Variants in EYS observed in about 807,000 individuals in gnomAD.
EYS encodes the protein EGF-like photoreceptor maintenance factor.
EYS carries 250 observed loss-of-function variants against 282.1 expected under a neutral mutation model. That is an observed-to-expected ratio of 0.89 (90% confidence interval 0.80 to 0.98). EYS has a LOEUF of 0.98. EYS is among the 50% of genes least tolerant of loss of function. The pLI is 0.00. For missense variants in EYS, 4,016 were observed against 3,709.0 expected, an observed-to-expected ratio of 1.08 and a Z score of -2.15; for synonymous variants, 1,355 against 1,282.9, an observed-to-expected ratio of 1.06 and a Z score of -1.20.
chr6:65,629,551 A>T (rs918227580), intron 2 of EYS, among the ~76,000 whole-genome samples: 8 of 152,186 alleles, frequency 5.3e-5, no homozygotes, highest in Non-Finnish European at 8.8e-5. Context: ...TGAGAACTAA[A>T]TCAGCATGAG....
At chr6:64,087,190 G>A (rs150882462) in intron 31 of EYS, among the ~76,000 whole-genome samples, 4 of 152,168 alleles carry the variant, frequency 2.6e-5, no homozygotes, top group Admixed American at 1.3e-4. Flanking sequence ...CAGTTTCTTC[G>A]TGTTATTTTT....
intron 22 of EYS, among the ~76,000 whole-genome samples, chr6:64,664,916 G>T (rs982295370): frequency 6.6e-6 from 1 of 152,158 alleles, no homozygotes; most frequent in African/African-American, 2.4e-5. Flanking sequence ...ACCAAGACAA[G>T]TACCACAACA....
intron 31 of EYS, among the ~76,000 whole-genome samples, chr6:64,192,486 T>C (rs942634111): frequency 6.6e-6 from 1 of 152,088 alleles, no homozygotes; most frequent in African/African-American, 2.4e-5. Flanking sequence ...AACAGAGATA[T>C]AGATCAATGG....
chr6:65,654,662 A>G (rs1283341276), intron 1 of EYS, among the ~76,000 whole-genome samples: 1 of 151,800 alleles, frequency 6.6e-6, no homozygotes, highest in African/African-American at 2.4e-5. Context: ...GAGTCCATTA[A>G]AAAGGTCACT....
chr6:64,590,277 G>A lies in EYS; in HGVS notation c.5590C>T (p.Leu1864Phe). Residue 1864 changes from leucine to phenylalanine, a missense_variant, in exon 26 of 43, where the codon CTT (leucine) becomes TTT (phenylalanine). Physicochemically the swap from Leu to Phe is conservative, Grantham distance 22. Coordinates refer to ENST00000503581, the MANE Select transcript of EYS (RefSeq NM_001142800.2). ...ATGGATTCCAGTGAAGACAAAGTAA[G>A]AGATCTAGTGAAGGGAAGATGCCGG... ...ASRHLPFTRS[L>F]TLSSLESILA... is the part of the protein sequence containing the mutation. 6.4e-7 allele frequency: 1 copy of A among 1,551,006 alleles called. No individual in the cohort carries two copies. Among genetic ancestry groups the A allele is most frequent in the Non-Finnish European group, 8.7e-7 (1 of 1,146,542 alleles).
intron 30 of EYS, among the ~76,000 whole-genome samples, chr6:64,235,709 G>A (rs973196711): frequency 1.3e-5 from 2 of 152,132 alleles, no homozygotes; most frequent in African/African-American, 2.4e-5. Context: ...CCCACCAACA[G>A]TGTAAAAGTG....
chr6:64,521,776 G>T (rs1220114099), intron 26 of EYS, among the ~76,000 whole-genome samples: 1 of 151,660 alleles, frequency 6.6e-6, no homozygotes, highest in Admixed American at 6.6e-5. Context: ...CTATTTTACT[G>T]CTATTATGTT....
At chr6:64,090,928 T>A (rs974329605) in intron 31 of EYS, among the ~76,000 whole-genome samples, 3 of 152,164 alleles carry the variant, frequency 2.0e-5, no homozygotes, top group African/African-American at 7.2e-5. Flanking sequence ...AAATGGATGT[T>A]ATTTAAACAC....
chr6:64,330,889 G>A (rs1051247799), intron 29 of EYS, among the ~76,000 whole-genome samples: 19 of 152,168 alleles, frequency 1.2e-4, no homozygotes, highest in Admixed American at 1.0e-3. Flanking sequence ...GTGGAGCATG[G>A]AAAGCCCCCA....
intron 26 of EYS, among the ~76,000 whole-genome samples, chr6:64,522,785 G>T (rs149613054): frequency 2.1e-4 from 32 of 151,838 alleles, no homozygotes; most frequent in African/African-American, 7.2e-4. Context: ...AGCACAATTT[G>T]TAAATAAAAC....
At chr6:65,565,833 C>A (rs1769260867) in intron 2 of EYS, among the ~76,000 whole-genome samples, 1 of 151,998 alleles carries the variant, frequency 6.6e-6, no homozygotes, top group Non-Finnish European at 1.5e-5. Flanking sequence ...TCATTCTCAG[C>A]AAACTAACAC....
intron 34 of EYS, among the ~76,000 whole-genome samples, chr6:63,998,435 A>T (rs1253546534): frequency 6.6e-6 from 1 of 152,180 alleles, no homozygotes; most frequent in Non-Finnish European, 1.5e-5. Flanking sequence ...GGCTGCTTTA[A>T]TGTCTACTAA....
Position 64,591,645 on chromosome 6 carries a change from A to C in EYS, c.4222T>G (p.Ser1408Ala). 6.4e-7 allele frequency: 1 copy of C among 1,551,264 alleles called. No individual in the cohort carries two copies. The highest frequency in any genetic ancestry group is 8.7e-7 in the Non-Finnish European group (1 of 1,146,750). Residue 1408 changes from serine (S) to alanine (A), a missense_variant, in exon 26 of 43, where the codon TCT (serine) becomes GCT (alanine). Transcript: ENST00000503581. Reference protein sequence around the residue: ...LMSDFIFPTQSLLFENCQTVA... With the variant: ...LMSDFIFPTQALLFENCQTVA... ...GTCTGACAGTTCTCAAATAATAAAG[A>C]TTGTGTAGGAAAAATAAAATCTGAC... is the stretch of plus-strand genomic sequence containing the variant.
chr6:64,672,116 G>T (rs1476840386), intron 22 of EYS, among the ~76,000 whole-genome samples: 4 of 152,102 alleles, frequency 2.6e-5, no homozygotes, highest in Admixed American at 2.0e-4. Flanking sequence ...GTCTTCCAGA[G>T]GCTTTTCAAA....
chr6:65,444,758 T>C (rs1329234598), intron 5 of EYS, among the ~76,000 whole-genome samples: 1 of 152,080 alleles, frequency 6.6e-6, no homozygotes, highest in Admixed American at 6.6e-5. Flanking sequence ...TTTTCTTCTA[T>C]AGAGCCTAAC....
chr6:64,999,493 G>A (rs1206003176), intron 13 of EYS, among the ~76,000 whole-genome samples: 2 of 152,102 alleles, frequency 1.3e-5, no homozygotes, highest in Admixed American at 6.5e-5. Flanking sequence ...AGGAGGGCGT[G>A]GTCCCTGGCT....
chr6:65,333,554 G>A (rs1475542651), intron 11 of EYS, among the ~76,000 whole-genome samples: 2 of 151,640 alleles, frequency 1.3e-5, no homozygotes, highest in East Asian at 3.9e-4. Context: ...ATTTCTAGAT[G>A]ATTTATAGTG....
At chr6:65,366,423 T>C (rs1481216155) in intron 8 of EYS, among the ~76,000 whole-genome samples, 1 of 151,806 alleles carries the variant, frequency 6.6e-6, no homozygotes. Context: ...TATCAGTTGG[T>C]TCAGATGGAT....
At chr6:65,123,746 ACACC>A (rs1204556482) in intron 12 of EYS, among the ~76,000 whole-genome samples, 24 of 143,938 alleles carry the variant, frequency 1.7e-4, no homozygotes, top group East Asian at 1.2e-3. Flanking sequence ...CTGACTTATA[ACACC>A]CACCCACCCA....
Sources: allele counts gnomAD v4.1 joint callset (sites outside exome capture counted in the v4.1 genomes callset), GRCh38; gene constraint gnomAD v4.1.1; transcripts MANE v1.5; gene names NCBI Gene and HGNC (gene_info 2026-07-23, HGNC 2026-07-21).